The following GALNT2 variants were observed in gnomAD, a reference collection of about 807,000 sequenced individuals.
GALNT2 encodes UDP-GalNAc:polypeptide N-acetylgalactosaminyltransferase 2.
A neutral mutation model predicts 81.4 loss-of-function variants in GALNT2; 31 were observed. That is an observed-to-expected ratio of 0.38 (90% confidence interval 0.29 to 0.51). GALNT2 has a LOEUF of 0.51. GALNT2 is among the 20% of genes least tolerant of loss of function. The pLI, the probability that GALNT2 is intolerant of heterozygous loss-of-function variation, is 0.87. For synonymous variants in GALNT2, 303 were observed against 287.4 expected (o/e 1.05, Z -0.55); for missense variants, 629 against 765.7 (o/e 0.82, Z 2.11).
chr1:230,070,698 C>A lies in GALNT2; in HGVS notation c.126+3292C>A, dbSNP rs757053715. 6.6e-6 allele frequency among the ~76,000 whole-genome samples: 1 copy of A among 152,056 alleles called. No homozygotes were observed. Among genetic ancestry groups the A allele is most frequent in the African/African-American group, 2.4e-5 (1 of 41,404 alleles). On this transcript the variant is annotated intron_variant, in intron 1 of 15. Transcript: ENST00000366672. The surrounding 1 kb of genome is among the most constrained non-coding windows in gnomAD (Gnocchi z 4.7). The stretch of plus-strand genomic sequence containing the variant: ...TGGGTGGGATCTTCTAGGAATCATG[C>A]GGGGAGGCGGGCAGGTTATTTCTTG...
intron 3 of GALNT2, among the ~76,000 whole-genome samples, chr1:230,233,824 G>T (rs552912315): frequency 6.6e-6 from 1 of 152,298 alleles, no homozygotes; most frequent in African/African-American, 2.4e-5. Flanking sequence ...GGGCCAGATG[G>T]TTGAAGCTTA....
chr1:230,142,206 A>G (rs944453360), intron 1 of GALNT2, among the ~76,000 whole-genome samples: 6 of 152,184 alleles, frequency 3.9e-5, no homozygotes, highest in Non-Finnish European at 8.8e-5. Context: ...CCAGCCAGGA[A>G]GCATGAGGGA....
At chr1:230,072,616 T>C (rs1659409277) in intron 1 of GALNT2, among the ~76,000 whole-genome samples, 1 of 152,226 alleles carries the variant, frequency 6.6e-6, no homozygotes, top group African/African-American at 2.4e-5. Flanking sequence ...GCATGGGTGA[T>C]GCTGAGCCGT....
intron 1 of GALNT2, among the ~76,000 whole-genome samples, chr1:230,073,467 C>T (rs1008396241): frequency 6.6e-6 from 1 of 152,244 alleles, no homozygotes; most frequent in African/African-American, 2.4e-5. Context: ...CTGCCTGGCT[C>T]TTGCCTCCTG....
In GALNT2 at chr1:230,228,821, T is replaced by C. The variant is rs142759566; in HGVS notation, c.375-7193T>C. 9.2e-5 allele frequency among the ~76,000 whole-genome samples: 14 copies of C among 152,262 alleles called. No individual in the cohort carries two copies. In the East Asian group the frequency reaches 2.5e-3, roughly 27 times the overall value. On this transcript the variant is annotated intron_variant, in intron 3 of 15. Coordinates refer to ENST00000366672, the MANE Select transcript of GALNT2 (RefSeq NM_004481.5). The stretch of plus-strand genomic sequence containing the variant: ...TTAAGAATAAGCTCTTCAAGTTCCA[T>C]GAAAAAACCCTGCGTGACACTTCAC...
chr1:230,186,108 C>T (rs1366253526), intron 2 of GALNT2, among the ~76,000 whole-genome samples: 1 of 152,218 alleles, frequency 6.6e-6, no homozygotes, highest in African/African-American at 2.4e-5. Flanking sequence ...AAGCTCCTTA[C>T]ATGCCTATTG....
At chr1:230,204,816 T>C (rs1177077990) in intron 3 of GALNT2, among the ~76,000 whole-genome samples, 2 of 152,240 alleles carry the variant, frequency 1.3e-5, no homozygotes. Context: ...ATCTACCATA[T>C]GTCAGACTCT....
intron 1 of GALNT2, among the ~76,000 whole-genome samples, chr1:230,079,696 A>C (rs1659670110): frequency 6.6e-6 from 1 of 152,196 alleles, no homozygotes; most frequent in South Asian, 2.1e-4. Context: ...GATGATCGAG[A>C]AGCAGAGAGC....
At chr1:230,098,595 C>T (rs188569822) in intron 1 of GALNT2, among the ~76,000 whole-genome samples, 3 of 151,978 alleles carry the variant, frequency 2.0e-5, no homozygotes, top group Admixed American at 1.3e-4. Context: ...CACGCCATTA[C>T]CCCCCAGACC....
chr1:230,113,797 T>G (rs1384601043), intron 1 of GALNT2, among the ~76,000 whole-genome samples: 1 of 152,154 alleles, frequency 6.6e-6, no homozygotes, highest in African/African-American at 2.4e-5. Flanking sequence ...TGTGAAGGTC[T>G]TTTCGGGGAA....
intron 3 of GALNT2, among the ~76,000 whole-genome samples, chr1:230,228,107 G>C (rs1664768632): frequency 6.6e-6 from 1 of 152,126 alleles, no homozygotes; most frequent in Non-Finnish European, 1.5e-5. Context: ...GTAGCAAGCA[G>C]AACTGTCAGA....
At chr1:230,140,143 C>T (rs1661684466) in intron 1 of GALNT2, among the ~76,000 whole-genome samples, 1 of 152,252 alleles carries the variant, frequency 6.6e-6, no homozygotes, top group Admixed American at 6.5e-5. Flanking sequence ...CCCTTTCTTC[C>T]CCTTGGGGGT....
chr1:230,263,346 G>A (rs1665934806), intron 13 of GALNT2: 1 of 269,042 alleles, frequency 3.7e-6, no homozygotes, highest in South Asian at 5.2e-5. Context: ...GTGACCAGGA[G>A]CAGTCCCCAG....
intron 14 of GALNT2, among the ~76,000 whole-genome samples, chr1:230,267,158 AGCTT>A: frequency 6.6e-6 from 1 of 152,174 alleles, no homozygotes. Flanking sequence ...TCAGATGCAG[AGCTT>A]GTTTTGCTCT....
At chr1:230,141,011 G>A (rs1661713480) in intron 1 of GALNT2, among the ~76,000 whole-genome samples, 1 of 152,198 alleles carries the variant, frequency 6.6e-6, no homozygotes, top group Admixed American at 6.5e-5. Context: ...CGTTGCAAAT[G>A]TGTGTCTATT....
intron 3 of GALNT2, among the ~76,000 whole-genome samples, chr1:230,224,092 A>G (rs1408463240): frequency 1.3e-5 from 2 of 152,234 alleles, no homozygotes; most frequent in Non-Finnish European, 2.9e-5. Context: ...AGTAAAAACT[A>G]AACCCTCAGC....
intron 15 of GALNT2, among the ~76,000 whole-genome samples, chr1:230,276,832 C>T (rs527406635): frequency 2.0e-5 from 3 of 152,306 alleles, no homozygotes; most frequent in African/African-American, 7.2e-5. Flanking sequence ...CTAGAAATTG[C>T]CTCACTCATT....
At chr1:230,273,180 C>T (rs1666198020) in intron 14 of GALNT2, among the ~76,000 whole-genome samples, 1 of 152,216 alleles carries the variant, frequency 6.6e-6, no homozygotes, top group Admixed American at 6.5e-5. Flanking sequence ...CCTTTCCTTA[C>T]CTCTGTTTCC....
intron 1 of GALNT2, among the ~76,000 whole-genome samples, chr1:230,165,672 C>T (rs1662579259): frequency 6.6e-6 from 1 of 152,228 alleles, no homozygotes; most frequent in African/African-American, 2.4e-5. Context: ...GAGAATGTCC[C>T]AGCTGTTGAA....
Sources: gnomAD v4.1 joint callset for allele counts (sites outside exome capture counted in the v4.1 genomes callset) on GRCh38, gnomAD v4.1.1 for gene constraint, Gnocchi (gnomAD v3.1) non-coding constraint, MANE v1.5 for transcripts, NCBI Gene and HGNC (gene_info 2026-07-23, HGNC 2026-07-21) for gene names.